The following HS6ST3 variants were observed in gnomAD, a reference collection of about 807,000 sequenced individuals.
The protein encoded by HS6ST3 is heparan-sulfate 6-O-sulfotransferase 3.
HS6ST3 carries 12 observed loss-of-function variants against 36.7 expected under a neutral mutation model. That is an observed-to-expected ratio of 0.33 (90% CI 0.21 to 0.53). The LOEUF is 0.53. Ranked by LOEUF, HS6ST3 falls within the 20% of genes least tolerant of loss-of-function variation. HS6ST3 has a pLI of 0.95. For missense variants in HS6ST3, 584 were observed against 640.9 expected (o/e 0.91, Z 0.96); for synonymous variants, 240 against 257.5 (o/e 0.93, Z 0.65).
chr13:96,180,894 T>TC, intron 1 of HS6ST3, among the ~76,000 whole-genome samples: 2 of 152,324 alleles, frequency 1.3e-5, no homozygotes, highest in Admixed American at 1.3e-4. Context: ...CTCCTTTTTT[T>TC]CTTTATTAAT....
At chr13:96,304,711 C>CTTTCTTTCTTTCTTTCTTTTTTTT (rs766397124) in intron 1 of HS6ST3, among the ~76,000 whole-genome samples, 1 of 89,338 alleles carries the variant, frequency 1.1e-5, no homozygotes, top group African/African-American at 4.4e-5. Context: ...TTCTTTCTTT[C>CTTTCTTTCTTTCTTTCTTTTTTTT]TTTTTTTTTT....
At chr13:96,347,881 A>G (rs2055163498) in intron 1 of HS6ST3, among the ~76,000 whole-genome samples, 1 of 152,200 alleles carries the variant, frequency 6.6e-6, no homozygotes, top group Admixed American at 6.5e-5. Context: ...ATTCCAGAGC[A>G]CTTCTACTGT....
chr13:96,133,405 C>T (rs1381195585), intron 1 of HS6ST3, among the ~76,000 whole-genome samples: 2 of 150,870 alleles, frequency 1.3e-5, no homozygotes, highest in Non-Finnish European at 3.0e-5. Context: ...GAATTACAGG[C>T]GTGAGCCACT....
At chr13:96,772,079 G>T (rs2138507983) in intron 1 of HS6ST3, among the ~76,000 whole-genome samples, 1 of 152,282 alleles carries the variant, frequency 6.6e-6, no homozygotes, top group Non-Finnish European at 1.5e-5. Context: ...GGTTTGTGAT[G>T]GGGCCAGGGT....
At chr13:96,522,353 A>G (rs2056096951) in intron 1 of HS6ST3, among the ~76,000 whole-genome samples, 3 of 152,292 alleles carry the variant, frequency 2.0e-5, no homozygotes, top group African/African-American at 7.2e-5. Flanking sequence ...AGTTCTGTAG[A>G]TGTCTATTAG....
At chr13:96,819,015 A>G (rs1878478172) in intron 1 of HS6ST3, among the ~76,000 whole-genome samples, 1 of 152,346 alleles carries the variant, frequency 6.6e-6, no homozygotes, top group Non-Finnish European at 1.5e-5. Flanking sequence ...ACTAAAACAA[A>G]CAAACAGCAA....
At chr13:96,589,971 CATA>C in intron 1 of HS6ST3, among the ~76,000 whole-genome samples, 1 of 152,210 alleles carries the variant, frequency 6.6e-6, no homozygotes, top group Non-Finnish European at 1.5e-5. Context: ...TTTCACTTAA[CATA>C]ATAATCTCCA....
intron 1 of HS6ST3, among the ~76,000 whole-genome samples, chr13:96,249,605 C>T (rs1316825276): frequency 6.6e-6 from 1 of 152,118 alleles, no homozygotes; most frequent in Non-Finnish European, 1.5e-5. Context: ...TGAATGACTT[C>T]GTCTCCCCAG....
intron 1 of HS6ST3, among the ~76,000 whole-genome samples, chr13:96,433,955 A>C (rs61967670): frequency 0.047 from 7,158 of 151,882 alleles, 408 homozygotes; most frequent in African/African-American, 0.13. Flanking sequence ...CAAAAACAAA[A>C]CTTCTTTTCT....
chr13:96,323,628 C>A (rs1369058557), intron 1 of HS6ST3, among the ~76,000 whole-genome samples: 3 of 152,190 alleles, frequency 2.0e-5, no homozygotes, highest in Non-Finnish European at 4.4e-5. Flanking sequence ...TTTGCCCTCC[C>A]TGTGCCTCCT....
At chr13:96,348,851 A>C (rs904256445) in intron 1 of HS6ST3, among the ~76,000 whole-genome samples, 2 of 152,234 alleles carry the variant, frequency 1.3e-5, no homozygotes, top group Non-Finnish European at 2.9e-5. Context: ...GAGCAGGTGA[A>C]GAAAAGCCTG....
At chr13:96,353,328 C>A (rs1290452961) in intron 1 of HS6ST3, among the ~76,000 whole-genome samples, 1 of 151,586 alleles carries the variant, frequency 6.6e-6, no homozygotes, top group Admixed American at 6.6e-5. Context: ...AATAGGGAGA[C>A]AAATTAATGG....
At chr13:96,500,436 G>A (rs897041402) in intron 1 of HS6ST3, among the ~76,000 whole-genome samples, 4 of 152,036 alleles carry the variant, frequency 2.6e-5, no homozygotes, top group Admixed American at 1.3e-4. Flanking sequence ...TTTTTCTTGG[G>A]TATATACCTG....
At chr13:96,546,742 G>A (rs1321650737) in intron 1 of HS6ST3, among the ~76,000 whole-genome samples, 1 of 152,126 alleles carries the variant, frequency 6.6e-6, no homozygotes, top group East Asian at 1.9e-4. Context: ...AAGACAGGAT[G>A]GAGGATAGAT....
At chr13:96,288,351 T>G (rs760448026) in intron 1 of HS6ST3, among the ~76,000 whole-genome samples, 8 of 152,174 alleles carry the variant, frequency 5.3e-5, no homozygotes, top group Non-Finnish European at 1.2e-4. Flanking sequence ...ATAATATAGT[T>G]TATTCTGGTG....
intron 1 of HS6ST3, among the ~76,000 whole-genome samples, chr13:96,166,434 C>T (rs945075543): frequency 1.1e-4 from 16 of 152,160 alleles, no homozygotes; most frequent in Non-Finnish European, 2.1e-4. Flanking sequence ...GCCCTTTGCA[C>T]AGAATGGGGA....
At chr13:96,766,119 G>A (rs1877108558) in intron 1 of HS6ST3, among the ~76,000 whole-genome samples, 1 of 152,182 alleles carries the variant, frequency 6.6e-6, no homozygotes, top group African/African-American at 2.4e-5. Context: ...TAAAATTGTA[G>A]AGAGTAGAAT....
intron 1 of HS6ST3, among the ~76,000 whole-genome samples, chr13:96,297,175 T>G (rs539197293): frequency 6.6e-6 from 1 of 152,046 alleles, no homozygotes; most frequent in South Asian, 2.1e-4. Flanking sequence ...TTTCAAACTA[T>G]TTTTTTTCCT....
At chr13:96,352,868 A>T (rs1032961839) in intron 1 of HS6ST3, among the ~76,000 whole-genome samples, 2 of 152,074 alleles carry the variant, frequency 1.3e-5, no homozygotes, top group African/African-American at 4.8e-5. Context: ...TCTGTGAAGT[A>T]GTTATTATTG....
Sources: gnomAD v4.1 joint callset for allele counts (sites outside exome capture counted in the v4.1 genomes callset) on GRCh38, gnomAD v4.1.1 for gene constraint, MANE v1.5 for transcripts, NCBI Gene and HGNC (gene_info 2026-07-23, HGNC 2026-07-21) for gene names.